Variants in IDH3A observed in about 807,000 individuals in gnomAD.
The protein encoded by IDH3A is isocitrate dehydrogenase [NAD] subunit alpha, mitochondrial.
A neutral mutation model predicts 43.3 loss-of-function variants in IDH3A; 23 were observed. That is an observed-to-expected ratio of 0.53 (90% CI 0.38 to 0.75). IDH3A has a LOEUF of 0.75. IDH3A is among the 30% of genes least tolerant of loss of function. IDH3A has a pLI of 0.00. For synonymous variants in IDH3A, 154 were observed against 163.5 expected (o/e 0.94, Z 0.44); for missense variants, 329 against 474.4 (o/e 0.69, Z 2.85).
intron 2 of IDH3A, 143 bp from the exon 3 acceptor site, chr15:78,157,405 C>G (rs1034621867): frequency 6.1e-6 from 4 of 657,994 alleles, no homozygotes; most frequent in East Asian, 2.8e-5. Flanking sequence ...TGATGACCCC[C>G]GGGGAGGTAT....
intron 2 of IDH3A, chr15:78,156,874 G>A: frequency 2.2e-6 from 3 of 1,344,596 alleles, no homozygotes; most frequent in Non-Finnish European, 3.0e-6. Flanking sequence ...GGCTTTGCAG[G>A]TATGATGACA....
intron 3 of IDH3A, 166 bp from the exon 4 acceptor site, chr15:78,159,926 C>T (rs890803130): frequency 5.7e-5 from 31 of 541,360 alleles, no homozygotes; most frequent in African/African-American, 1.7e-4. Context: ...ACCTGGGAGG[C>T]GGAGGTTATA....
intron 10 of IDH3A, 26 bp from the exon 11 acceptor site, chr15:78,168,896 T>A: frequency 6.6e-7 from 1 of 1,517,860 alleles, no homozygotes; most frequent in South Asian, 1.1e-5. Flanking sequence ...GATACATCTT[T>A]TATTTTTGCT....
At chr15:78,163,002 G>A (rs2074700279) in intron 6 of IDH3A, among the ~76,000 whole-genome samples, 1 of 152,162 alleles carries the variant, frequency 6.6e-6, no homozygotes. Context: ...CATCAGCAGA[G>A]GCCACATAGC....
chr15:78,157,514 C>A lies in IDH3A; in HGVS notation c.91-34C>A, dbSNP rs745914993. 32 of 1,483,638 alleles carry A rather than the reference C, an allele frequency of 2.2e-5. No individual in the cohort carries two copies. The East Asian group carries it at 7.1e-4, about 33-fold the overall frequency. 91.9% of individuals were successfully genotyped at this position (1,483,638 alleles called of 1,614,324 possible). A position where few individuals can be genotyped will look rare whatever the true frequency, so the allele number is the denominator to read the frequency against. The stretch of plus-strand genomic sequence containing the variant: ...TTTTAAGCCTTCAAAAACAAAAATT[C>A]TTACTGTCTTCTTTGATGATTTCTT... On this transcript the variant is annotated intron_variant, in intron 2 of 10. Transcript: ENST00000299518.
At position 78,161,460 on chromosome 15, in the gene IDH3A, C is replaced by A; in HGVS notation, c.290-121C>A. 1.4e-6 allele frequency: 1 copy of A among 704,766 alleles called. No homozygotes were observed. The highest frequency in any genetic ancestry group is 2.4e-6 in the Non-Finnish European group (1 of 417,518). 43.7% of individuals were successfully genotyped at this position (704,766 alleles called of 1,614,324 possible). On this transcript the variant is annotated intron_variant, in intron 4 of 10. Coordinates refer to ENST00000299518, the MANE Select transcript of IDH3A (RefSeq NM_005530.3). This position sits in a 1 kb window ranked among gnomAD's most constrained non-coding sequence, Gnocchi z 4.8. ...GGAAGTGTTCCTCCTTCATTTGAAT[C>A]TCAGGTAGAGAGTGAACTAGAGGCA... is the stretch of plus-strand genomic sequence containing the variant.
At chr15:78,157,091 G>A (rs1400002499) in intron 2 of IDH3A, 4 of 1,161,348 alleles carry the variant, frequency 3.4e-6, no homozygotes, top group Non-Finnish European at 3.2e-6. Flanking sequence ...GAAGTTGCAT[G>A]AGAAGCTTTC....
intron 10 of IDH3A, chr15:78,167,800 T>C (rs1036421445): frequency 5.3e-5 from 8 of 152,240 alleles, no homozygotes; most frequent in African/African-American, 1.9e-4. Context: ...TAGCGTAATA[T>C]CTTCAAAGTT....
chr15:78,162,437 TCTC>T lies in IDH3A; in HGVS notation c.611+74_611+76del, dbSNP rs567652773. On this transcript the variant is annotated intron_variant, in intron 6 of 10. Coordinates refer to ENST00000299518, the MANE Select transcript of IDH3A (RefSeq NM_005530.3). ...GGAGAGCAGTGACAGGGCTTCCCTT[TCTC>T]CTCTTCAGCTTGTTCCTTGATTCCT... 84 of 1,551,570 alleles carry T rather than the reference TCTC, an allele frequency of 5.4e-5. No homozygotes were observed. In the East Asian group the frequency reaches 1.8e-3, roughly 33 times the overall value.
Position 78,161,844 on chromosome 15 carries a change from G to C in IDH3A, c.477+76G>C, listed in dbSNP as rs2074684153. 1.6e-6 allele frequency: 2 copies of C among 1,277,730 alleles called. No homozygotes were observed. Among genetic ancestry groups the C allele is most frequent in the Non-Finnish European group, 2.2e-6 (2 of 891,526 alleles). The allele number at this position is 1,277,730 out of a possible 1,614,324, so 79.1% of individuals were successfully genotyped here. ...CATCTGGGACCCCAGAGACAGATCTGCTTTATCTCTGTGAGGAGTTGTGGG... is the reference window on the plus strand; with the variant it reads ...CATCTGGGACCCCAGAGACAGATCTCCTTTATCTCTGTGAGGAGTTGTGGG... On this transcript the variant is annotated intron_variant, in intron 5 of 10. Transcript: ENST00000299518. This position sits in a 1 kb window ranked among gnomAD's most constrained non-coding sequence, Gnocchi z 4.8.
At position 78,161,443 on chromosome 15, in the gene IDH3A, T is replaced by C; in HGVS notation, c.290-138T>C. 1.6e-6 allele frequency: 1 copy of C among 644,174 alleles called. No homozygotes were observed. The highest frequency in any genetic ancestry group is 1.9e-5 in the South Asian group (1 of 51,362). The allele number at this position is 644,174 out of a possible 1,614,324, so 39.9% of individuals were successfully genotyped here. ...CCAGAAAGCTCCCGTGAGGAAGTGTTCCTCCTTCATTTGAATCTCAGGTAG... is the reference window on the plus strand; with the variant it reads ...CCAGAAAGCTCCCGTGAGGAAGTGTCCCTCCTTCATTTGAATCTCAGGTAG... On this transcript the variant is annotated intron_variant, in intron 4 of 10. Transcript: ENST00000299518. The surrounding 1 kb of genome is among the most constrained non-coding windows in gnomAD (Gnocchi z 4.8).
At chr15:78,160,613 G>A (rs868071847) in intron 4 of IDH3A, among the ~76,000 whole-genome samples, 6 of 150,706 alleles carry the variant, frequency 4.0e-5, no homozygotes, top group Non-Finnish European at 5.9e-5. Flanking sequence ...CACCTCAGCC[G>A]CCCGAGTGGC....
At position 78,170,631 on chromosome 15, in the gene IDH3A, C is replaced by G. The variant is rs747324123; in HGVS notation, c.*1626C>G. 1.3e-5 allele frequency: 2 copies of G among 152,306 alleles called. 1 individual carries two copies. The highest frequency in any genetic ancestry group is 4.1e-4 in the South Asian group (2 of 4,826). The allele number at this position is 152,306 out of a possible 1,614,324, so 9.4% of individuals were successfully genotyped here. A position where few individuals can be genotyped will look rare whatever the true frequency, so the allele number is the denominator to read the frequency against. On this transcript the variant is annotated 3_prime_UTR_variant, in exon 11 of 11. Transcript: ENST00000299518. ...ACTGAGAATGGCTGCTTCCCGTATT[C>G]AGAATGGAAGTGGGGTGGTCTGGTG... is the stretch of plus-strand genomic sequence containing the variant.
At chr15:78,155,651 T>G in intron 2 of IDH3A, 1 of 192,558 alleles carries the variant, frequency 5.2e-6, no homozygotes. Flanking sequence ...TTTGCATTTT[T>G]ATTTTATGGG....
chr15:78,149,959 G>A (rs1172965283), intron 1 of IDH3A, among the ~76,000 whole-genome samples: 2 of 152,230 alleles, frequency 1.3e-5, no homozygotes, highest in East Asian at 1.9e-4. Context: ...GAATCCGGGG[G>A]CCCTTTTCCC....
intron 1 of IDH3A, among the ~76,000 whole-genome samples, chr15:78,152,673 A>G (rs1004577994): frequency 2.6e-5 from 4 of 152,062 alleles, no homozygotes; most frequent in African/African-American, 7.2e-5. Context: ...TGTCACTTTT[A>G]TGCTCTGCTT....
intron 1 of IDH3A, among the ~76,000 whole-genome samples, chr15:78,152,420 G>A (rs1345572291): frequency 7.0e-6 from 1 of 142,904 alleles, no homozygotes; most frequent in Admixed American, 7.3e-5. Flanking sequence ...GAGTGCAATG[G>A]CGCGATCTTG....
intron 6 of IDH3A, 58 bp downstream of exon 6, chr15:78,162,425 A>C (rs1595869841): frequency 6.3e-7 from 1 of 1,582,580 alleles, no homozygotes; most frequent in Non-Finnish European, 8.6e-7. Flanking sequence ...GAGCAGTGAC[A>C]GGGCTTCCCT....
chr15:78,160,055 C>A (rs777609310), intron 3 of IDH3A, 37 bp from the exon 4 acceptor site: 1 of 1,268,304 alleles, frequency 7.9e-7, no homozygotes, highest in Non-Finnish European at 1.2e-6. Flanking sequence ...TCCTTTAAGT[C>A]TCTCCAGCTC....
Sources: allele counts gnomAD v4.1 joint callset (sites outside exome capture counted in the v4.1 genomes callset), GRCh38; gene constraint gnomAD v4.1.1; non-coding constraint Gnocchi (gnomAD v3.1); transcripts MANE v1.5; gene names NCBI Gene and HGNC (gene_info 2026-07-23, HGNC 2026-07-21).